PROB1: variants seen among roughly 807,000 people sequenced by gnomAD.
PROB1 encodes proline-rich basic protein 1.
For synonymous variants in PROB1, 660 were observed against 699.3 expected, an observed-to-expected ratio of 0.94 and a Z score of 0.89; for missense variants, 1,453 against 1,485.7, an observed-to-expected ratio of 0.98 and a Z score of 0.36.
Position 139,394,463 on chromosome 5 carries a change from T to C in PROB1, c.619A>G (p.Lys207Glu). The C allele has an allele frequency of 7.1e-7, 1 of 1,409,536 alleles. No individual in the cohort carries two copies. Among genetic ancestry groups the C allele is most frequent in the South Asian group, 1.5e-5 (1 of 64,584 alleles). 87.3% of individuals were successfully genotyped at this position (1,409,536 alleles called of 1,614,324 possible). Residue 207 changes from lysine (K) to glutamate (E), a missense_variant, in exon 1 of 1, where the codon AAG becomes GAG. Physicochemically the swap from Lys to Glu is moderately conservative, Grantham distance 56 (BLOSUM62 1). Transcript: ENST00000434752. ...AAPARPRTVP[K>E]RQIELRPRPQ... ...CGGGGGCGCAGCTCGATCTGACGCT[T>C]GGGCACTGTCCGGGGCCTGGCGGGC...
At position 139,390,667 on chromosome 5, in the gene PROB1, C is replaced by T. The variant is rs981297367; in HGVS notation, c.*1367G>A. The stretch of plus-strand genomic sequence containing the variant: ...TGAGGTAAAGACACCTGGGGTGGCC[C>T]CAGGGCCCTCCATGCCATCGGAGCT... On this transcript the variant is annotated 3_prime_UTR_variant, in exon 1 of 1. Coordinates refer to ENST00000434752, the MANE Select transcript of PROB1 (RefSeq NM_001161546.2). The T allele has an allele frequency of 2.0e-5, 3 of 152,254 alleles. No homozygotes were observed. Among genetic ancestry groups the T allele is most frequent in the Non-Finnish European group, 4.4e-5 (3 of 68,068 alleles). 9.4% of individuals were successfully genotyped at this position (152,254 alleles called of 1,614,324 possible).
Position 139,392,298 on chromosome 5 carries a change from G to A in PROB1, c.2784C>T (p.Arg928=). ...LPPSSPGPPH[R]VYTPLALGLG... ...GCCCCAGGGCCAGAGGGGTGTAGAC[G>A]CGGTGGGGCGGCCCGGGAGACGAGG... Residue 928 remains arginine (R), a synonymous_variant, in exon 1 of 1, where the codon CGC becomes CGT. Transcript: ENST00000434752. This position sits in a 1 kb window ranked among gnomAD's most constrained non-coding sequence, Gnocchi z 5.8. The A allele has an allele frequency of 1.4e-6, 2 of 1,470,338 alleles. No individual in the cohort carries two copies. Among genetic ancestry groups the A allele is most frequent in the Admixed American group, 2.2e-5 (1 of 45,106 alleles). 91.1% of individuals were successfully genotyped at this position (1,470,338 alleles called of 1,614,324 possible). A position where few individuals can be genotyped will look rare whatever the true frequency, so the allele number is the denominator to read the frequency against.
Position 139,392,948 on chromosome 5 carries a change from G to A in PROB1, c.2134C>T (p.Pro712Ser), listed in dbSNP as rs1326899909. ...GCCCTCCGCCGCAGGACCCCGTTGGGCTGTGAGGCGTCCCGGGCGACCGTG... is the reference window on the plus strand; with the variant it reads ...GCCCTCCGCCGCAGGACCCCGTTGGACTGTGAGGCGTCCCGGGCGACCGTG... ...FDTVARDASQ[P>S]NGVLRRRAEN... Residue 712 changes from proline to serine, a missense_variant, in exon 1 of 1, where the codon CCC becomes TCC. Pro to Ser is a moderately conservative substitution (Grantham distance 74). Transcript: ENST00000434752. This position sits in a 1 kb window ranked among gnomAD's most constrained non-coding sequence, Gnocchi z 5.8. 1 of 1,512,586 alleles carries A rather than the reference G, an allele frequency of 6.6e-7. No individual in the cohort carries two copies. The highest frequency in any genetic ancestry group is 1.3e-5 in the South Asian group (1 of 79,706). The allele number at this position is 1,512,586 out of a possible 1,614,324, so 93.7% of individuals were successfully genotyped here.
rs1476304174 is a variant in PROB1, at chr5:139,394,327, T to C, written c.755A>G (p.Gln252Arg). Reference protein sequence around the residue: ...GPLQAAAGFVQTALARKLSPE... With the variant: ...GPLQAAAGFVRTALARKLSPE... ...GCTCAGTTTTCTGGCCAACGCCGTC[T>C]GCACGAAGCCCGCGGCGGCCTGCAG... is the stretch of plus-strand genomic sequence containing the variant. The change falls in exon 1 of 1, where the codon CAG (glutamine) becomes CGG (arginine). Residue 252 changes from glutamine to arginine, a missense_variant. By Grantham distance (43) the Gln-to-Arg change is conservative (BLOSUM62 1). Transcript: ENST00000434752. The C allele has an allele frequency of 6.8e-6, 10 of 1,465,816 alleles. No homozygotes were observed. The highest frequency in any genetic ancestry group is 1.4e-5 in the African/African-American group (1 of 69,256). The allele number at this position is 1,465,816 out of a possible 1,614,324, so 90.8% of individuals were successfully genotyped here. A position where few individuals can be genotyped will look rare whatever the true frequency, so the allele number is the denominator to read the frequency against.
Position 139,394,418 on chromosome 5 carries a change from C to T in PROB1, c.664G>A (p.Ala222Thr). The T allele has an allele frequency of 1.4e-6, 2 of 1,394,920 alleles. No homozygotes were observed. The highest frequency in any genetic ancestry group is 2.9e-5 in the East Asian group (1 of 34,276). The allele number at this position is 1,394,920 out of a possible 1,614,324, so 86.4% of individuals were successfully genotyped here. A position where few individuals can be genotyped will look rare whatever the true frequency, so the allele number is the denominator to read the frequency against. Residue 222 changes from alanine to threonine, a missense_variant, in exon 1 of 1, where the codon GCG becomes ACG. Transcript: ENST00000434752. Reference protein sequence around the residue: ...LRPRPQSPPRAAGAPRPRLLL... With the variant: ...LRPRPQSPPRTAGAPRPRLLL... ...AGCCGGGGGCGCGGCGCGCCGGCCG[C>T]CCTTGGGGGACTCTGGGGCCGGGGG...
In PROB1 at chr5:139,393,631, G is replaced by T; in HGVS notation, c.1451C>A (p.Ser484Ter). 6.4e-7 allele frequency: 1 copy of T among 1,550,746 alleles called. No homozygotes were observed. Among genetic ancestry groups the T allele is most frequent in the Non-Finnish European group, 8.7e-7 (1 of 1,146,828 alleles). ...EAPSLWEIPH[S>*]AVADAVEPRS... The stretch of plus-strand genomic sequence containing the variant: ...TGGCTCCACCGCATCCGCGACTGCC[G>T]AATGTGGAATCTCCCACAGGGAAGG... Residue 484 changes from serine to a stop codon, truncating the protein, a stop_gained, in exon 1 of 1, where the codon TCG becomes TAG. Transcript: ENST00000434752. LOFTEE classifies it low-confidence loss of function (END_TRUNC).
At position 139,392,117 on chromosome 5, in the gene PROB1, G is replaced by A. The variant is rs532624875; in HGVS notation, c.2965C>T (p.Pro989Ser). Residue 989 changes from proline to serine, a missense_variant, in exon 1 of 1, where the codon CCC becomes TCC. Transcript: ENST00000434752. The surrounding 1 kb of genome is among the most constrained non-coding windows in gnomAD (Gnocchi z 5.8). ...GCACAGAGGAGCAGAGGAGGTGCGG[G>A]GTTGGGGGTCCCGCTCACCGGCAGG... ...YYLPVSGTPN[P>S]APPLLLCAPP... The A allele has an allele frequency of 1.4e-5, 20 of 1,414,096 alleles. No homozygotes were observed. The African/African-American group carries it at 2.7e-4, about 19-fold the overall frequency. 87.6% of individuals were successfully genotyped at this position (1,414,096 alleles called of 1,614,324 possible).
chr5:139,393,204 G>A lies in PROB1; in HGVS notation c.1878C>T (p.Asp626=). The A allele has an allele frequency of 1.3e-6, 2 of 1,549,562 alleles. No homozygotes were observed. Among genetic ancestry groups the A allele is most frequent in the Non-Finnish European group, 1.7e-6 (2 of 1,146,850 alleles). Residue 626 remains aspartate (D), a synonymous_variant, in exon 1 of 1, where the codon GAC becomes GAT. Transcript: ENST00000434752. The part of the protein sequence containing the change: ...RPRMAIPRPR[D]VRKLVKTTYA... ...ACGTGGTCTTCACCAACTTGCGCAC[G>A]TCTCGAGGCCGCGGAATGGCCATGC...
rs1200394101 is a variant in PROB1, at chr5:139,394,641, C to A, written c.441G>T (p.Gly147=). The A allele has an allele frequency of 7.8e-6, 12 of 1,534,414 alleles. No homozygotes were observed. The highest frequency in any genetic ancestry group is 1.4e-5 in the African/African-American group (1 of 72,238). ...EPAFISPLPP[G]PASPAAVPRQ... is the part of the protein sequence containing the mutation. ...GTGGGACCGCGGCGGGAGACGCTGG[C>A]CCCGGCGGCAAGGGGCTGATGAAGG... Residue 147 remains glycine (G), a synonymous_variant, in exon 1 of 1, where the codon GGG becomes GGT. Transcript: ENST00000434752.
In PROB1 at chr5:139,392,744, C is replaced by T. The variant is rs931689220; in HGVS notation, c.2338G>A (p.Gly780Ser). The change falls in exon 1 of 1, where the codon GGC becomes AGC. Residue 780 changes from glycine to serine, a missense_variant. Physicochemically the swap from Gly to Ser is moderately conservative, Grantham distance 56. Coordinates refer to ENST00000434752, the MANE Select transcript of PROB1 (RefSeq NM_001161546.2). This position sits in a 1 kb window ranked among gnomAD's most constrained non-coding sequence, Gnocchi z 5.8. ...PDGDGRTSPL[G>S]GARSSSQRSP... ...CGCTGGGATGAGCTGCGGGCGCCGC[C>T]TAGAGGGCTGGTCCGACCGTCGCCG... The T allele has an allele frequency of 1.4e-6, 2 of 1,420,260 alleles. No individual in the cohort carries two copies. Among genetic ancestry groups the T allele is most frequent in the African/African-American group, 1.5e-5 (1 of 66,752 alleles). 88.0% of individuals were successfully genotyped at this position (1,420,260 alleles called of 1,614,324 possible). A position where few individuals can be genotyped will look rare whatever the true frequency, so the allele number is the denominator to read the frequency against.
In PROB1 at chr5:139,392,913, G is replaced by C. The variant is rs1758622929; in HGVS notation, c.2169C>G (p.Ser723Arg). Reference sequence around the variant, plus strand: ...CTGTGCGCTTGAAGGGCTTCGCCGTGCTGTTCTCTGCCCTCCGCCGCAGGA... The same window carrying C: ...CTGTGCGCTTGAAGGGCTTCGCCGTCCTGTTCTCTGCCCTCCGCCGCAGGA... Reference protein sequence around the residue: ...NGVLRRRAENSTAKPFKRTEI... With the variant: ...NGVLRRRAENRTAKPFKRTEI... Residue 723 changes from serine to arginine, a missense_variant, in exon 1 of 1, where the codon AGC becomes AGG. Coordinates refer to ENST00000434752, the MANE Select transcript of PROB1 (RefSeq NM_001161546.2). The surrounding 1 kb of genome is among the most constrained non-coding windows in gnomAD (Gnocchi z 5.8). The C allele has an allele frequency of 6.5e-7, 1 of 1,534,150 alleles. No homozygotes were observed. The highest frequency in any genetic ancestry group is 8.8e-7 in the Non-Finnish European group (1 of 1,137,570).
chr5:139,394,758 C>A lies in PROB1; in HGVS notation c.324G>T (p.Ser108=). 5 of 1,532,508 alleles carry A rather than the reference C, an allele frequency of 3.3e-6. No homozygotes were observed. The highest frequency in any genetic ancestry group is 4.4e-6 in the Non-Finnish European group (5 of 1,142,068). 94.9% of individuals were successfully genotyped at this position (1,532,508 alleles called of 1,614,324 possible). A position where few individuals can be genotyped will look rare whatever the true frequency, so the allele number is the denominator to read the frequency against. The change falls in exon 1 of 1, where the codon TCG becomes TCT. Residue 108 remains serine, a synonymous_variant. Coordinates refer to ENST00000434752, the MANE Select transcript of PROB1 (RefSeq NM_001161546.2). ...CGCCGAAGATGACTTCCATCTCCCCCGACGGCAGCGTGCGCAGCTGGGGCT... is the reference window on the plus strand; with the variant it reads ...CGCCGAAGATGACTTCCATCTCCCCAGACGGCAGCGTGCGCAGCTGGGGCT... ...PPQPQLRTLP[S]GEMEVIFGVG...
At position 139,392,754 on chromosome 5, in the gene PROB1, G is replaced by C. The variant is rs1758619890; in HGVS notation, c.2328C>G (p.Thr776=). ...QRLVPDGDGR[T]SPLGGARSSS... ...AGCTGCGGGCGCCGCCTAGAGGGCT[G>C]GTCCGACCGTCGCCGTCGGGGACCA... The change falls in exon 1 of 1, where the codon ACC becomes ACG. Residue 776 remains threonine, a synonymous_variant. Coordinates refer to ENST00000434752, the MANE Select transcript of PROB1 (RefSeq NM_001161546.2). The surrounding 1 kb of genome is among the most constrained non-coding windows in gnomAD (Gnocchi z 5.8). 1.4e-6 allele frequency: 2 copies of C among 1,439,050 alleles called. No individual in the cohort carries two copies. Among genetic ancestry groups the C allele is most frequent in the African/African-American group, 2.9e-5 (2 of 68,254 alleles). The allele number at this position is 1,439,050 out of a possible 1,614,324, so 89.1% of individuals were successfully genotyped here.
chr5:139,391,850 T>C lies in PROB1; in HGVS notation c.*184A>G. 1.3e-5 allele frequency: 6 copies of C among 472,308 alleles called. No individual in the cohort carries two copies. Among genetic ancestry groups the C allele is most frequent in the Non-Finnish European group, 2.1e-5 (6 of 289,482 alleles). 29.3% of individuals were successfully genotyped at this position (472,308 alleles called of 1,614,324 possible). A position where few individuals can be genotyped will look rare whatever the true frequency, so the allele number is the denominator to read the frequency against. ...GGGGAGGAAGTAGGCAGCCACTTCC[T>C]GGGTGACTCCAGCTCCACCAGCCTC... On this transcript the variant is annotated 3_prime_UTR_variant, in exon 1 of 1. Transcript: ENST00000434752. This position sits in a 1 kb window ranked among gnomAD's most constrained non-coding sequence, Gnocchi z 4.8.
chr5:139,392,798 C>A lies in PROB1; in HGVS notation c.2284G>T (p.Asp762Tyr), dbSNP rs1354792683. The change falls in exon 1 of 1, where the codon GAT becomes TAT. Residue 762 changes from aspartate to tyrosine, a missense_variant. Physicochemically the swap from Asp to Tyr is radical, Grantham distance 160. Coordinates refer to ENST00000434752, the MANE Select transcript of PROB1 (RefSeq NM_001161546.2). The surrounding 1 kb of genome is among the most constrained non-coding windows in gnomAD (Gnocchi z 5.8). Reference sequence around the variant, plus strand: ...GGGACCAGGCGCTGGGCCTCTACATCCCTGTTCTCTCCTCCAGGGCCGCGC... The same window carrying A: ...GGGACCAGGCGCTGGGCCTCTACATACCTGTTCTCTCCTCCAGGGCCGCGC... ...RARGPGGENR[D>Y]VEAQRLVPDG... 1 of 1,489,192 alleles carries A rather than the reference C, an allele frequency of 6.7e-7. No individual in the cohort carries two copies. The highest frequency in any genetic ancestry group is 9.0e-7 in the Non-Finnish European group (1 of 1,116,678). 92.2% of individuals were successfully genotyped at this position (1,489,192 alleles called of 1,614,324 possible). A position where few individuals can be genotyped will look rare whatever the true frequency, so the allele number is the denominator to read the frequency against.
chr5:139,395,056 G>C lies in PROB1; in HGVS notation c.26C>G (p.Ala9Gly). Residue 9 changes from alanine to glycine, a missense_variant, in exon 1 of 1, where the codon GCC becomes GGC. Physicochemically the swap from Ala to Gly is moderately conservative, Grantham distance 60 (BLOSUM62 0). Transcript: ENST00000434752. ...CAGCTGCCTCGGGATCCCAGGCAGG[G>C]CTGGCGGGGCGAGCGCGGTCAGCAT... is the stretch of plus-strand genomic sequence containing the variant. The part of the protein sequence containing the change: MLTALAPP[A>G]LPGIPRQLPT... The C allele has an allele frequency of 2.1e-6, 3 of 1,416,422 alleles. No homozygotes were observed. The highest frequency in any genetic ancestry group is 2.8e-6 in the Non-Finnish European group (3 of 1,086,042). The allele number at this position is 1,416,422 out of a possible 1,614,324, so 87.7% of individuals were successfully genotyped here.
In PROB1 at chr5:139,393,253, C is replaced by G. The variant is rs1433910808; in HGVS notation, c.1829G>C (p.Gly610Ala). 1 of 1,549,370 alleles carries G rather than the reference C, an allele frequency of 6.5e-7. No homozygotes were observed. The highest frequency in any genetic ancestry group is 2.0e-5 in the Admixed American group (1 of 50,990). The change falls in exon 1 of 1, where the codon GGA becomes GCA. Residue 610 changes from glycine (G) to alanine (A), a missense_variant. Gly to Ala is a moderately conservative substitution (Grantham distance 60). Transcript: ENST00000434752. Reference sequence around the variant, plus strand: ...GCGCGGGCGTCCCGAGGCCGCCTCTCCAGGACCCAAGACTTCCGGGCACTT... The same window carrying G: ...GCGCGGGCGTCCCGAGGCCGCCTCTGCAGGACCCAAGACTTCCGGGCACTT... The part of the protein sequence containing the change: ...ADKCPEVLGP[G>A]EAASGRPRMA...
In PROB1 at chr5:139,393,105, C is replaced by G; in HGVS notation, c.1977G>C (p.Glu659Asp). ...PAPPADPCGEEGGESKTQEPP... is the reference protein window; with the variant it reads ...PAPPADPCGEDGGESKTQEPP... Reference sequence around the variant, plus strand: ...GCTCTTGCGTCTTGGATTCGCCGCCCTCCTCCCCGCAGGGGTCGGCAGGAG... The same window carrying G: ...GCTCTTGCGTCTTGGATTCGCCGCCGTCCTCCCCGCAGGGGTCGGCAGGAG... Residue 659 changes from glutamate to aspartate, a missense_variant, in exon 1 of 1, where the codon GAG (glutamate) becomes GAC (aspartate). By Grantham distance (45) the Glu-to-Asp change is conservative. Coordinates refer to ENST00000434752, the MANE Select transcript of PROB1 (RefSeq NM_001161546.2). The G allele has an allele frequency of 1.3e-6, 2 of 1,523,310 alleles. No homozygotes were observed. The highest frequency in any genetic ancestry group is 3.4e-4 in the Middle Eastern group (2 of 5,862). 94.4% of individuals were successfully genotyped at this position (1,523,310 alleles called of 1,614,324 possible).
chr5:139,392,966 C>G lies in PROB1; in HGVS notation c.2116G>C (p.Ala706Pro). 1 of 1,504,030 alleles carries G rather than the reference C, an allele frequency of 6.6e-7. No homozygotes were observed. Among genetic ancestry groups the G allele is most frequent in the Non-Finnish European group, 8.9e-7 (1 of 1,123,088 alleles). 93.2% of individuals were successfully genotyped at this position (1,504,030 alleles called of 1,614,324 possible). ...EPPEPSFDTV[A>P]RDASQPNGVL... ...CCGTTGGGCTGTGAGGCGTCCCGGG[C>G]GACCGTGTCGAAGGACGGTTCAGGA... Residue 706 changes from alanine (A) to proline (P), a missense_variant, in exon 1 of 1, where the codon GCC becomes CCC. Ala to Pro is a conservative substitution (Grantham distance 27). Coordinates refer to ENST00000434752, the MANE Select transcript of PROB1 (RefSeq NM_001161546.2). The surrounding 1 kb of genome is among the most constrained non-coding windows in gnomAD (Gnocchi z 5.8).
Sources: gnomAD v4.1 joint callset for allele counts on GRCh38, gnomAD v4.1.1 for gene constraint, Gnocchi (gnomAD v3.1) non-coding constraint, MANE v1.5 for transcripts, NCBI Gene and HGNC (gene_info 2026-07-23, HGNC 2026-07-21) for gene names.